DNAH6: variants seen among roughly 807,000 people sequenced by gnomAD.
The protein encoded by DNAH6 is axonemal beta dynein heavy chain 6.
Under a neutral mutation model 491.4 loss-of-function variants are expected in DNAH6, and 340 were observed. The observed-to-expected ratio is 0.69, with a 90% CI of 0.63 to 0.76. The LOEUF (loss-of-function observed/expected upper bound fraction) is 0.76, where lower values mean the gene tolerates loss of function less well. Ranked by LOEUF, DNAH6 falls within the 30% of genes least tolerant of loss-of-function variation. DNAH6 has a pLI of 0.00. For missense variants in DNAH6, 4,443 were observed against 4,972.2 expected (o/e 0.89, Z 3.20); for synonymous variants, 1,603 against 1,686.1 (o/e 0.95, Z 1.21).
In DNAH6 at chr2:84,701,187, A is replaced by G; in HGVS notation, c.7909A>G (p.Met2637Val). The G allele has an allele frequency of 6.4e-7, 1 of 1,551,770 alleles. No individual in the cohort carries two copies. Residue 2637 changes from methionine to valine, a missense_variant, in exon 49 of 77, where the codon ATG becomes GTG. Coordinates refer to ENST00000389394, the MANE Select transcript of DNAH6 (RefSeq NM_001370.2). ...NEELKEKLPL[M>V]CVNVHLSVSS... Reference sequence around the variant, plus strand: ...AGAACTGAAAGAAAAGCTTCCCTTGATGTGCGTGAACGTTCACTTGAGTGT... The same window carrying G: ...AGAACTGAAAGAAAAGCTTCCCTTGGTGTGCGTGAACGTTCACTTGAGTGT...
chr2:84,530,227 G>A (rs1223318277), intron 4 of DNAH6, among the ~76,000 whole-genome samples: 1 of 152,152 alleles, frequency 6.6e-6, no homozygotes, highest in African/African-American at 2.4e-5. Flanking sequence ...ATACTAAAAT[G>A]TGATAAGTAT....
chr2:84,812,981 C>A, intron 73 of DNAH6, 77 bp from the exon 74 acceptor site: 2 of 1,253,458 alleles, frequency 1.6e-6, no homozygotes, highest in South Asian at 2.6e-5. Context: ...GAGAAACTCT[C>A]CCCAAATAGG....
chr2:84,553,628 A>ATTTTTTTTTTTTTTTTTTTTTTTTTTTT (rs748931607), intron 10 of DNAH6, among the ~76,000 whole-genome samples: 1 of 90,996 alleles, frequency 1.1e-5, no homozygotes, highest in African/African-American at 4.4e-5. Context: ...AGGACTGGCT[A>ATTTTTTTTTTTTTTTTTTTTTTTTTTTT]TTTTTTTTTT....
In DNAH6 at chr2:84,787,836, A is replaced by AAT. The variant is rs548579590; in HGVS notation, c.11239+537_11239+538dup. Among the ~76,000 whole-genome samples the AAT allele has an allele frequency of 2.9e-4, 44 of 152,304 alleles. No homozygotes were observed. In the South Asian group the frequency reaches 9.1e-3, roughly 32 times the overall value. On this transcript the variant is annotated intron_variant, in intron 68 of 76. Transcript: ENST00000389394. ...CCTTTCAGGAATTAAATTTTTGGTA[A>AAT]ATATTAACTGTGACTACATAGGGAT...
At chr2:84,530,323 TGAG>T (rs1677042377) in intron 4 of DNAH6, among the ~76,000 whole-genome samples, 1 of 152,102 alleles carries the variant, frequency 6.6e-6, no homozygotes, top group Non-Finnish European at 1.5e-5. Context: ...TGGGCCTCAT[TGAG>T]AAGCTGTCAT....
chr2:84,725,485 A>G (rs918697208), intron 60 of DNAH6, among the ~76,000 whole-genome samples: 1 of 152,214 alleles, frequency 6.6e-6, no homozygotes, highest in African/African-American at 2.4e-5. Flanking sequence ...CCTTCAGTTG[A>G]CAGGTATTAA....
At chr2:84,625,101 T>G in intron 29 of DNAH6, 38 bp downstream of exon 29, 1 of 1,446,538 alleles carries the variant, frequency 6.9e-7, no homozygotes, top group African/African-American at 1.4e-5. Flanking sequence ...ATTAAGTGTT[T>G]TATGTGTCTT....
At chr2:84,584,277 ATAATC>A (rs1683322309) in intron 15 of DNAH6, 27 bp downstream of exon 15, 1 of 1,606,340 alleles carries the variant, frequency 6.2e-7, no homozygotes, top group Non-Finnish European at 8.5e-7. Context: ...TTTTGTAAAA[ATAATC>A]TATGCAAAGT....
At chr2:84,566,779 G>T (rs981452955) in intron 11 of DNAH6, among the ~76,000 whole-genome samples, 1 of 151,970 alleles carries the variant, frequency 6.6e-6, no homozygotes, top group Non-Finnish European at 1.5e-5. Context: ...AAAAGAACGT[G>T]GTACTGGCAC....
At position 84,642,023 on chromosome 2, in the gene DNAH6, A is replaced by C; in HGVS notation, c.5047A>C (p.Lys1683Gln). 6.4e-7 allele frequency: 1 copy of C among 1,550,990 alleles called. No homozygotes were observed. The highest frequency in any genetic ancestry group is 1.2e-5 in the South Asian group (1 of 84,038). Residue 1683 changes from lysine (K) to glutamine (Q), a missense_variant, in exon 33 of 77, where the codon AAA (lysine) becomes CAA (glutamine). Transcript: ENST00000389394. ...IRALQDSNLP[K>Q]FLTDDALLFS... The stretch of plus-strand genomic sequence containing the variant: ...AGCTTTACAAGACTCCAATTTGCCA[A>C]AATTTCTAACAGATGATGCTCTTCT...
At chr2:84,807,512 G>A (rs1380670809) in intron 71 of DNAH6, among the ~76,000 whole-genome samples, 1 of 152,132 alleles carries the variant, frequency 6.6e-6, no homozygotes, top group African/African-American at 2.4e-5. Context: ...CCAGTAACAT[G>A]CGATAAACAC....
At position 84,557,925 on chromosome 2, in the gene DNAH6, C is replaced by T. The variant is rs745624713; in HGVS notation, c.1793C>T (p.Ser598Phe). ...EDDKNFHTII[S>F]QIKETIQAAF... Reference sequence around the variant, plus strand: ...GATAAGAATTTTCACACAATTATTTCTCAAATAAAGGTATGTTTACTCTGA... The same window carrying T: ...GATAAGAATTTTCACACAATTATTTTTCAAATAAAGGTATGTTTACTCTGA... Residue 598 changes from serine to phenylalanine, a missense_variant, in exon 11 of 77, where the codon TCT (serine) becomes TTT (phenylalanine). By Grantham distance (155) the Ser-to-Phe change is radical. Coordinates refer to ENST00000389394, the MANE Select transcript of DNAH6 (RefSeq NM_001370.2). The T allele has an allele frequency of 1.2e-6, 2 of 1,604,144 alleles. No individual in the cohort carries two copies. The highest frequency in any genetic ancestry group is 1.7e-6 in the Non-Finnish European group (2 of 1,173,270).
intron 26 of DNAH6, among the ~76,000 whole-genome samples, chr2:84,622,988 T>C (rs79950998): frequency 0.011 from 1,722 of 152,308 alleles, 33 homozygotes; most frequent in African/African-American, 0.04. Context: ...TTCTGATAAA[T>C]GTCTATTCTC....
At chr2:84,707,944 A>G (rs895037507) in intron 54 of DNAH6, among the ~76,000 whole-genome samples, 1 of 152,154 alleles carries the variant, frequency 6.6e-6, no homozygotes, top group Non-Finnish European at 1.5e-5. Flanking sequence ...TTAGAAAGCT[A>G]TTCATCATTT....
chr2:84,692,471 A>AGATG (rs1234156546), intron 45 of DNAH6, among the ~76,000 whole-genome samples: 1 of 143,966 alleles, frequency 6.9e-6, no homozygotes, highest in Non-Finnish European at 1.5e-5. Flanking sequence ...ATAGATAGAT[A>AGATG]GATAGATAGA....
At chr2:84,656,666 C>A (rs1296056996) in intron 35 of DNAH6, among the ~76,000 whole-genome samples, 1 of 151,914 alleles carries the variant, frequency 6.6e-6, no homozygotes, top group African/African-American at 2.4e-5. Context: ...TTTAAGAGTT[C>A]TTTATATATT....
chr2:84,766,970 A>G (rs769972911), intron 64 of DNAH6, among the ~76,000 whole-genome samples: 1 of 152,144 alleles, frequency 6.6e-6, no homozygotes, highest in Non-Finnish European at 1.5e-5. Context: ...ATCCCTGACT[A>G]CTAGTATCTC....
the DNAH6 span, among the ~76,000 whole-genome samples, chr2:84,508,165 T>C: frequency 6.6e-6 from 1 of 152,248 alleles, no homozygotes; most frequent in African/African-American, 2.4e-5. Context: ...CTTGTACCTC[T>C]AGTAGAATTC....
At chr2:84,747,813 G>T (rs903522495) in intron 63 of DNAH6, among the ~76,000 whole-genome samples, 8 of 152,158 alleles carry the variant, frequency 5.3e-5, no homozygotes, top group African/African-American at 1.9e-4. Context: ...TAAAATCTAG[G>T]TGGATGCTGC....
Sources: allele counts gnomAD v4.1 joint callset (sites outside exome capture counted in the v4.1 genomes callset), GRCh38; gene constraint gnomAD v4.1.1; transcripts MANE v1.5; gene names NCBI Gene and HGNC (gene_info 2026-07-23, HGNC 2026-07-21).